The following ABHD5 variants were observed in gnomAD, a reference collection of about 807,000 sequenced individuals.
ABHD5 encodes 1-acylglycerol-3-phosphate O-acyltransferase ABHD5.
A neutral mutation model predicts 44.9 loss-of-function variants in ABHD5; 30 were observed. That is an observed-to-expected ratio of 0.67 (90% confidence interval 0.50 to 0.91). ABHD5 has a LOEUF of 0.91. Among genes scored for constraint, ABHD5 ranks in the 40% least tolerant of loss-of-function variants. The pLI is 0.00. For synonymous variants in ABHD5, 167 were observed against 147.0 expected (o/e 1.14, Z -0.99); for missense variants, 399 against 423.4 (o/e 0.94, Z 0.50).
chr3:43,714,965 G>GT lies in ABHD5; in HGVS notation c.683dup (p.Leu228PhefsTer4). 1 of 1,613,066 alleles carries GT rather than the reference G, an allele frequency of 6.2e-7. No homozygotes were observed. The highest frequency in any genetic ancestry group is 1.1e-5 in the South Asian group (1 of 91,046). On this transcript the variant is annotated frameshift_variant, in exon 5 of 7. Coordinates refer to ENST00000644371, the MANE Select transcript of ABHD5 (RefSeq NM_016006.6). LOFTEE classifies it high-confidence loss of function. Reference sequence around the variant, plus strand: ...TAAATAGGTTTAAGTCTAGTGCAGCGTTTAAGGCCTGATTTCAAACGAAAG... The same window carrying GT: ...TAAATAGGTTTAAGTCTAGTGCAGCGTTTTAAGGCCTGATTTCAAACGAAAG...
In ABHD5 at chr3:43,719,277, T is replaced by G. The variant is rs1184661246; in HGVS notation, c.*745T>G. The G allele has an allele frequency of 6.6e-6, 1 of 152,238 alleles. No individual in the cohort carries two copies. Among genetic ancestry groups the G allele is most frequent in the Admixed American group, 6.5e-5 (1 of 15,286 alleles). 9.4% of individuals were successfully genotyped at this position (152,238 alleles called of 1,614,324 possible). A position where few individuals can be genotyped will look rare whatever the true frequency, so the allele number is the denominator to read the frequency against. On this transcript the variant is annotated 3_prime_UTR_variant, in exon 7 of 7. Coordinates refer to ENST00000644371, the MANE Select transcript of ABHD5 (RefSeq NM_016006.6). ...ACATGACTTCAATACTTTCAGTGAT[T>G]CAGGTACTGAAAAGCCTTACCTAAA...
rs1398246638 is a variant in ABHD5, at chr3:43,720,631, A to T, written c.*2099A>T. On this transcript the variant is annotated 3_prime_UTR_variant, in exon 7 of 7. Coordinates refer to ENST00000644371, the MANE Select transcript of ABHD5 (RefSeq NM_016006.6). ...TGTTTTCTTAAAAATCTAGTACAGC[A>T]TTTGATCTTTGTTATGCACAGCATA... The T allele has an allele frequency of 6.6e-6, 1 of 152,218 alleles. No individual in the cohort carries two copies. The highest frequency in any genetic ancestry group is 1.5e-5 in the Non-Finnish European group (1 of 68,042). The allele number at this position is 152,218 out of a possible 1,614,324, so 9.4% of individuals were successfully genotyped here. A position where few individuals can be genotyped will look rare whatever the true frequency, so the allele number is the denominator to read the frequency against.
chr3:43,702,865 G>T (rs1354485463), intron 3 of ABHD5, among the ~76,000 whole-genome samples: 2 of 150,820 alleles, frequency 1.3e-5, no homozygotes, highest in African/African-American at 4.9e-5. Flanking sequence ...TAAGCCACAA[G>T]TAAAAATTAT....
chr3:43,694,068 G>GAGGCCGA (rs879539302), intron 1 of ABHD5, among the ~76,000 whole-genome samples: 15 of 149,814 alleles, frequency 1.0e-4, no homozygotes, highest in East Asian at 2.0e-4. Flanking sequence ...AGCACTTTGG[G>GAGGCCGA]GTAACACCGT....
chr3:43,725,848 GTT>G (rs34068036), downstream of ABHD5, among the ~76,000 whole-genome samples: 1 of 146,816 alleles, frequency 6.8e-6, no homozygotes, highest in South Asian at 2.1e-4. Flanking sequence ...CTGTTTCCTA[GTT>G]TTTTTTTTTG....
Position 43,705,822 on chromosome 3 carries a change from T to C in ABHD5, c.506+3235T>C, listed in dbSNP as rs1232243621. On this transcript the variant is annotated intron_variant, in intron 3 of 6. Transcript: ENST00000644371. ...CGTCTCCTTTGGTGCCCTTTGGTCT[T>C]GCTGTCCACGTTTATTTATATTACT... Among the ~76,000 whole-genome samples, 3 of 152,208 alleles carry C rather than the reference T, an allele frequency of 2.0e-5. No homozygotes were observed. In the East Asian group the frequency reaches 5.8e-4, roughly 29 times the overall value.
chr3:43,717,987 C>T (rs974211325), intron 6 of ABHD5, 130 bp downstream of exon 6: 9 of 1,155,326 alleles, frequency 7.8e-6, no homozygotes, highest in African/African-American at 4.5e-5. Context: ...CAGTCGGGGA[C>T]GTGATACCAC....
Position 43,722,449 on chromosome 3 carries a change from C to G in ABHD5, c.*3917C>G, listed in dbSNP as rs1421255437. The G allele has an allele frequency of 6.6e-6, 1 of 152,160 alleles. No individual in the cohort carries two copies. Among genetic ancestry groups the G allele is most frequent in the South Asian group, 2.1e-4 (1 of 4,828 alleles). 9.4% of individuals were successfully genotyped at this position (152,160 alleles called of 1,614,324 possible). ...TTATACCAATAACTAATAAAATGAT[C>G]TCCTTGTTAGTGGTGGTAGGGAGCT... On this transcript the variant is annotated 3_prime_UTR_variant, in exon 7 of 7. Coordinates refer to ENST00000644371, the MANE Select transcript of ABHD5 (RefSeq NM_016006.6).
intron 4 of ABHD5, among the ~76,000 whole-genome samples, 189 bp downstream of exon 4, chr3:43,712,052 G>A (rs182498981): frequency 1.4e-4 from 22 of 152,332 alleles, no homozygotes; most frequent in Non-Finnish European, 2.4e-4. Flanking sequence ...TCAAAGGAGA[G>A]TCTTTATATT....
chr3:43,730,569 G>A (rs2084906719), intron 7 of ABHD5, among the ~76,000 whole-genome samples: 1 of 133,046 alleles, frequency 7.5e-6, no homozygotes, highest in African/African-American at 2.9e-5. Flanking sequence ...ACGGTGGTGC[G>A]ATCAAAGCTC....
downstream of ABHD5, among the ~76,000 whole-genome samples, chr3:43,725,350 A>G (rs1487474925): frequency 6.6e-6 from 1 of 152,178 alleles, no homozygotes; most frequent in Non-Finnish European, 1.5e-5. Flanking sequence ...TAATTTTTAA[A>G]AATGTTATAT....
At chr3:43,691,114 G>C in intron 1 of ABHD5, 75 bp downstream of exon 1, 21 of 1,395,862 alleles carry the variant, frequency 1.5e-5, no homozygotes, top group Non-Finnish European at 2.0e-5. Flanking sequence ...GGGCCCAGCG[G>C]GCAGCACCAA....
chr3:43,713,655 C>G (rs748123886), intron 4 of ABHD5, among the ~76,000 whole-genome samples: 24 of 152,222 alleles, frequency 1.6e-4, no homozygotes, highest in Non-Finnish European at 3.4e-4. Context: ...CTTACTATGC[C>G]TGGTCCTTCT....
At chr3:43,717,603 G>A (rs900951477) in intron 5 of ABHD5, 68 bp from the exon 6 acceptor site, 1 of 1,506,032 alleles carries the variant, frequency 6.6e-7, no homozygotes, top group African/African-American at 1.4e-5. Flanking sequence ...TGTTTTGATA[G>A]AAGTGACAGT....
intron 5 of ABHD5, among the ~76,000 whole-genome samples, chr3:43,717,191 AC>A (rs1248487375): frequency 1.5e-5 from 2 of 133,298 alleles, no homozygotes; most frequent in African/African-American, 3.2e-5. Context: ...AACAAAAAAA[AC>A]AAAAAAAAAA....
chr3:43,699,450 G>T, intron 2 of ABHD5, 89 bp downstream of exon 2: 1 of 1,236,864 alleles, frequency 8.1e-7, no homozygotes. Flanking sequence ...GTAAGATTCT[G>T]TGGTGTGTTC....
chr3:43,711,518 C>T (rs1268425453), intron 3 of ABHD5, among the ~76,000 whole-genome samples, 191 bp from the exon 4 acceptor site: 2 of 152,156 alleles, frequency 1.3e-5, no homozygotes, highest in African/African-American at 2.4e-5. Flanking sequence ...TACCATACAC[C>T]TCTTAGATCC....
downstream of ABHD5, among the ~76,000 whole-genome samples, chr3:43,725,489 A>G (rs996431535): frequency 6.6e-6 from 1 of 152,266 alleles, no homozygotes; most frequent in African/African-American, 2.4e-5. Context: ...TGGACAAGGA[A>G]TGTTATTCTA....
chr3:43,691,915 A>G (rs1159846139), intron 1 of ABHD5, among the ~76,000 whole-genome samples: 2 of 152,168 alleles, frequency 1.3e-5, no homozygotes, highest in African/African-American at 4.8e-5. Flanking sequence ...TGGAGGGCAG[A>G]TGTCTAATGT....
Sources: gnomAD v4.1 joint callset for allele counts (sites outside exome capture counted in the v4.1 genomes callset) on GRCh38, gnomAD v4.1.1 for gene constraint, MANE v1.5 for transcripts, NCBI Gene and HGNC (gene_info 2026-07-23, HGNC 2026-07-21) for gene names.